MAN2A1: variants seen among roughly 807,000 people sequenced by gnomAD.
MAN2A1 encodes the protein mannosidase alpha class 2A member 1, also known as alpha-mannosidase 2.
MAN2A1 carries 76 observed loss-of-function variants against 142.6 expected under a neutral mutation model. The observed-to-expected ratio is 0.53, with a 90% CI of 0.44 to 0.65. The LOEUF is 0.65. Among genes scored for constraint, MAN2A1 ranks in the 30% least tolerant of loss-of-function variants. MAN2A1 has a pLI of 0.00. For synonymous variants in MAN2A1, 559 were observed against 473.2 expected, an observed-to-expected ratio of 1.18 and a Z score of -2.35; for missense variants, 1,311 against 1,365.1, an observed-to-expected ratio of 0.96 and a Z score of 0.62.
intron 5 of MAN2A1, among the ~76,000 whole-genome samples, chr5:109,767,307 T>C (rs564971086): frequency 6.6e-6 from 1 of 152,270 alleles, no homozygotes; most frequent in East Asian, 1.9e-4. Context: ...ATTTGAACTC[T>C]AACTGATTAA....
chr5:109,766,130 C>T (rs2301002), intron 5 of MAN2A1, among the ~76,000 whole-genome samples: 45,863 of 151,808 alleles, frequency 0.3, 7,389 homozygotes, highest in East Asian at 0.64. Flanking sequence ...TTTATATTTC[C>T]TCATGAAAAA....
intron 1 of MAN2A1, among the ~76,000 whole-genome samples, chr5:109,693,632 G>T (rs1490938066): frequency 6.6e-6 from 1 of 151,838 alleles, no homozygotes; most frequent in Admixed American, 6.6e-5. Context: ...CACAACTCTG[G>T]TGTTTTCCAC....
At chr5:109,760,152 G>C (rs1160663628) in intron 5 of MAN2A1, among the ~76,000 whole-genome samples, 1 of 151,872 alleles carries the variant, frequency 6.6e-6, no homozygotes, top group Non-Finnish European at 1.5e-5. Flanking sequence ...CCCAGCCCCT[G>C]ACGCCCCTGT....
intron 2 of MAN2A1, among the ~76,000 whole-genome samples, chr5:109,715,631 A>G (rs1268955689): frequency 2.0e-5 from 3 of 152,184 alleles, no homozygotes. Context: ...AACATATGCT[A>G]CATGGCAGAA....
chr5:109,794,953 A>G (rs1436338949), intron 12 of MAN2A1, among the ~76,000 whole-genome samples: 1 of 152,076 alleles, frequency 6.6e-6, no homozygotes, highest in Non-Finnish European at 1.5e-5. Flanking sequence ...TCTGTAGTCT[A>G]CTGGAGTGTT....
At chr5:109,751,451 AATAAAC>A (rs1752545983) in intron 4 of MAN2A1, among the ~76,000 whole-genome samples, 1 of 152,244 alleles carries the variant, frequency 6.6e-6, no homozygotes, top group East Asian at 1.9e-4. Context: ...ATAGTGCTGC[AATAAAC>A]ATGAGAGTCC....
chr5:109,864,921 T>C, intron 20 of MAN2A1, 115 bp from the exon 21 acceptor site: 1 of 744,862 alleles, frequency 1.3e-6, no homozygotes, highest in African/African-American at 1.7e-5. Flanking sequence ...TTTGCCTAAC[T>C]TTCTTGCTAA....
chr5:109,729,639 A>G (rs1021277509), intron 4 of MAN2A1, 126 bp downstream of exon 4: 5 of 529,452 alleles, frequency 9.4e-6, no homozygotes, highest in Non-Finnish European at 1.6e-5. Context: ...ATTTCTTCAC[A>G]TACCGTTTTC....
intron 12 of MAN2A1, 142 bp downstream of exon 12, chr5:109,789,669 A>G (rs1201850809): frequency 8.5e-6 from 5 of 591,662 alleles, no homozygotes; most frequent in Non-Finnish European, 1.5e-5. Flanking sequence ...ATTTTCTTTC[A>G]TGACTGTGTT....
intron 4 of MAN2A1, among the ~76,000 whole-genome samples, chr5:109,746,923 G>A (rs1203987519): frequency 6.6e-6 from 1 of 152,156 alleles, no homozygotes; most frequent in African/African-American, 2.4e-5. Context: ...GCTCATTCAT[G>A]TTGTAGCATG....
intron 16 of MAN2A1, among the ~76,000 whole-genome samples, chr5:109,832,797 C>T (rs921665941): frequency 1.3e-5 from 2 of 151,392 alleles, no homozygotes; most frequent in Admixed American, 6.6e-5. Context: ...CCGGACGGGG[C>T]GGCTGGCTGG....
At chr5:109,785,754 T>C (rs1024398221) in intron 10 of MAN2A1, among the ~76,000 whole-genome samples, 1 of 152,072 alleles carries the variant, frequency 6.6e-6, no homozygotes, top group African/African-American at 2.4e-5. Flanking sequence ...GAGTTTTGAC[T>C]ATTTTATTTA....
At chr5:109,704,599 G>A (rs1420938139) in intron 1 of MAN2A1, among the ~76,000 whole-genome samples, 1 of 152,120 alleles carries the variant, frequency 6.6e-6, no homozygotes, top group Non-Finnish European at 1.5e-5. Context: ...TGGAGTGGGC[G>A]CTTGGAGGGT....
intron 5 of MAN2A1, among the ~76,000 whole-genome samples, chr5:109,758,853 T>G (rs1455950151): frequency 6.6e-6 from 1 of 151,928 alleles, no homozygotes; most frequent in Non-Finnish European, 1.5e-5. Context: ...GAAAAGATGA[T>G]TCTTTCCTCA....
At chr5:109,718,686 G>A (rs78790273) in intron 3 of MAN2A1, among the ~76,000 whole-genome samples, 2,808 of 152,148 alleles carry the variant, frequency 0.018, 34 homozygotes, top group Middle Eastern at 0.068. Context: ...GCACACACAC[G>A]CCTCCACGCT....
At chr5:109,826,705 C>G (rs960095727) in intron 16 of MAN2A1, among the ~76,000 whole-genome samples, 2 of 152,200 alleles carry the variant, frequency 1.3e-5, no homozygotes, top group African/African-American at 2.4e-5. Context: ...AATCAAGGCC[C>G]ATGATAGATA....
chr5:109,698,190 A>G (rs532527883), intron 1 of MAN2A1, among the ~76,000 whole-genome samples: 1 of 152,346 alleles, frequency 6.6e-6, no homozygotes, highest in African/African-American at 2.4e-5. Context: ...GAGCTCAGGT[A>G]TAGGTATCTT....
At chr5:109,802,669 A>G (rs1754062329) in intron 12 of MAN2A1, among the ~76,000 whole-genome samples, 2 of 152,140 alleles carry the variant, frequency 1.3e-5, no homozygotes, top group Non-Finnish European at 2.9e-5. Context: ...TCTGTCTCTT[A>G]AGAAATCTTT....
At chr5:109,798,821 A>G (rs1314625074) in intron 12 of MAN2A1, among the ~76,000 whole-genome samples, 1 of 152,096 alleles carries the variant, frequency 6.6e-6, no homozygotes, top group African/African-American at 2.4e-5. Flanking sequence ...AGCTGGGACT[A>G]CAGGCACCCG....
Sources: allele counts gnomAD v4.1 joint callset (sites outside exome capture counted in the v4.1 genomes callset), GRCh38; gene constraint gnomAD v4.1.1; transcripts MANE v1.5; gene names NCBI Gene and HGNC (gene_info 2026-07-23, HGNC 2026-07-21).